Variants in PLCL1 observed in about 807,000 individuals in gnomAD.
The protein encoded by PLCL1 is phospholipase C like 1 (inactive).
A neutral mutation model predicts 84.4 loss-of-function variants in PLCL1; 41 were observed. The observed-to-expected ratio is 0.49, with a 90% confidence interval of 0.38 to 0.63. PLCL1 has a LOEUF of 0.63. Ranked by LOEUF, PLCL1 falls within the 30% of genes least tolerant of loss-of-function variation. The pLI is 0.00. For missense variants in PLCL1, 1,206 were observed against 1,367.8 expected (o/e 0.88, Z 1.87); for synonymous variants, 490 against 488.3 (o/e 1.00, Z -0.05).
chr2:197,842,799 G>A (rs997576329), intron 1 of PLCL1, among the ~76,000 whole-genome samples: 9 of 151,998 alleles, frequency 5.9e-5, no homozygotes, highest in Non-Finnish European at 1.2e-4. Context: ...AACCTCTGTC[G>A]TATACTGTCT....
At chr2:198,007,278 G>A (rs955530733) in intron 1 of PLCL1, among the ~76,000 whole-genome samples, 2 of 152,062 alleles carry the variant, frequency 1.3e-5, no homozygotes, top group African/African-American at 4.8e-5. Flanking sequence ...AAAACTCATT[G>A]GAAATCTAGA....
chr2:197,894,261 A>G (rs1688089679), intron 1 of PLCL1, among the ~76,000 whole-genome samples: 1 of 151,988 alleles, frequency 6.6e-6, no homozygotes, highest in African/African-American at 2.4e-5. Flanking sequence ...GTGGTTGACA[A>G]TAGGTGTTGA....
chr2:197,955,905 A>T (rs1476570555), intron 1 of PLCL1, among the ~76,000 whole-genome samples: 8 of 151,906 alleles, frequency 5.3e-5, no homozygotes, highest in African/African-American at 1.9e-4. Context: ...TGCACCTATC[A>T]ACCCGTCATC....
chr2:198,018,956 G>A (rs1691067816), intron 1 of PLCL1, among the ~76,000 whole-genome samples: 1 of 152,210 alleles, frequency 6.6e-6, no homozygotes, highest in Non-Finnish European at 1.5e-5. Flanking sequence ...CCCAGCAGGG[G>A]TCGAGAGACA....
chr2:197,834,238 C>T (rs1691133820), intron 1 of PLCL1, among the ~76,000 whole-genome samples: 1 of 152,120 alleles, frequency 6.6e-6, no homozygotes, highest in South Asian at 2.1e-4. Flanking sequence ...AGGACATGGG[C>T]ATGGGCACAG....
At chr2:198,033,860 T>C (rs1220552949) in intron 1 of PLCL1, among the ~76,000 whole-genome samples, 1 of 152,170 alleles carries the variant, frequency 6.6e-6, no homozygotes, top group Non-Finnish European at 1.5e-5. Context: ...TGGCTGACTG[T>C]GCATTAGAAT....
chr2:198,148,651 G>A lies in PLCL1; in HGVS notation c.*1689G>A, dbSNP rs1177875111. 4 of 152,300 alleles carry A rather than the reference G, an allele frequency of 2.6e-5. No homozygotes were observed. The highest frequency in any genetic ancestry group is 9.7e-5 in the African/African-American group (4 of 41,448). 9.4% of individuals were successfully genotyped at this position (152,300 alleles called of 1,614,324 possible). On this transcript the variant is annotated 3_prime_UTR_variant, in exon 6 of 6. Coordinates refer to ENST00000428675, the MANE Select transcript of PLCL1 (RefSeq NM_006226.4). ...GTTATATTTAACTTGCTGGTAGGAGGAATAGTGGAATGCAGGTGTTAAGCC... is the reference window on the plus strand; with the variant it reads ...GTTATATTTAACTTGCTGGTAGGAGAAATAGTGGAATGCAGGTGTTAAGCC...
intron 1 of PLCL1, among the ~76,000 whole-genome samples, chr2:197,854,065 C>T (rs948638158): frequency 4.6e-5 from 7 of 152,064 alleles, no homozygotes; most frequent in Non-Finnish European, 1.0e-4. Context: ...TTAACATTCC[C>T]CTTGGGTGAT....
At chr2:197,899,000 CA>C (rs1369130630) in intron 1 of PLCL1, among the ~76,000 whole-genome samples, 1 of 152,122 alleles carries the variant, frequency 6.6e-6, no homozygotes, top group Non-Finnish European at 1.5e-5. Flanking sequence ...ACCAAAGTAA[CA>C]GCATATTTCT....
chr2:197,878,138 T>C (rs1460889761), intron 1 of PLCL1, among the ~76,000 whole-genome samples: 1 of 152,184 alleles, frequency 6.6e-6, no homozygotes. Flanking sequence ...TAGAGAACTT[T>C]ATTCTTTTGT....
intron 1 of PLCL1, among the ~76,000 whole-genome samples, chr2:198,008,807 T>C (rs1002641968): frequency 6.6e-6 from 1 of 152,098 alleles, no homozygotes; most frequent in African/African-American, 2.4e-5. Context: ...TGCATCATTT[T>C]ACATTCCCAC....
chr2:198,115,725 G>A (rs1233804649), intron 5 of PLCL1, among the ~76,000 whole-genome samples: 1 of 151,678 alleles, frequency 6.6e-6, no homozygotes, highest in African/African-American at 2.4e-5. Context: ...GAGAGCTTGT[G>A]CAGTGGAACT....
At chr2:198,138,992 C>T (rs961132356) in intron 5 of PLCL1, among the ~76,000 whole-genome samples, 2 of 152,018 alleles carry the variant, frequency 1.3e-5, no homozygotes, top group African/African-American at 4.8e-5. Context: ...TCCATCTCTA[C>T]TAAAAATACA....
intron 1 of PLCL1, among the ~76,000 whole-genome samples, chr2:198,018,814 C>A (rs1691061499): frequency 6.6e-6 from 1 of 152,234 alleles, no homozygotes; most frequent in South Asian, 2.1e-4. Context: ...CTTCAGCAGA[C>A]TTTAACGTTC....
At chr2:198,130,574 C>T (rs751299499) in intron 5 of PLCL1, among the ~76,000 whole-genome samples, 8 of 152,094 alleles carry the variant, frequency 5.3e-5, no homozygotes, top group Non-Finnish European at 7.4e-5. Flanking sequence ...CACTCAGCCA[C>T]AGCAAGGTCG....
At chr2:198,058,269 A>G (rs968522409) in intron 1 of PLCL1, among the ~76,000 whole-genome samples, 16 of 152,144 alleles carry the variant, frequency 1.1e-4, no homozygotes, top group Admixed American at 8.5e-4. Context: ...TTATATAGAC[A>G]TTGCTTTCCT....
intron 1 of PLCL1, among the ~76,000 whole-genome samples, chr2:197,882,747 C>T (rs1418743307): frequency 4.6e-5 from 7 of 152,134 alleles, no homozygotes; most frequent in Admixed American, 4.6e-4. Flanking sequence ...TTAAAAGCAG[C>T]ATTATGTACA....
chr2:198,022,074 G>A (rs774019266), intron 1 of PLCL1, among the ~76,000 whole-genome samples: 9 of 152,038 alleles, frequency 5.9e-5, no homozygotes, highest in Non-Finnish European at 1.2e-4. Context: ...GCAAGGCTGG[G>A]TCAACATACA....
At chr2:197,836,992 G>A (rs1490378082) in intron 1 of PLCL1, among the ~76,000 whole-genome samples, 1 of 152,136 alleles carries the variant, frequency 6.6e-6, no homozygotes, top group African/African-American at 2.4e-5. Context: ...GAGCCACTGT[G>A]CCTGGCTTTA....
Sources: allele counts gnomAD v4.1 joint callset (sites outside exome capture counted in the v4.1 genomes callset), GRCh38; gene constraint gnomAD v4.1.1; transcripts MANE v1.5; gene names NCBI Gene and HGNC (gene_info 2026-07-23, HGNC 2026-07-21).